TRPM7: variants seen among roughly 807,000 people sequenced by gnomAD.
The protein encoded by TRPM7 is LTRPC ion channel family member 7.
A neutral mutation model predicts 229.7 loss-of-function variants in TRPM7; 134 were observed. The observed-to-expected ratio is 0.58, with a 90% CI of 0.51 to 0.67. The LOEUF (loss-of-function observed/expected upper bound fraction) is 0.67, where lower values mean the gene tolerates loss of function less well. TRPM7 is among the 30% of genes least tolerant of loss of function. TRPM7 has a pLI of 0.00. For synonymous variants in TRPM7, 699 were observed against 715.2 expected (o/e 0.98, Z 0.36); for missense variants, 1,901 against 2,210.0 (o/e 0.86, Z 2.80).
intron 11 of TRPM7, among the ~76,000 whole-genome samples, chr15:50,627,643 C>T (rs1403772186): frequency 2.0e-5 from 3 of 151,734 alleles, no homozygotes; most frequent in East Asian, 1.9e-4. Context: ...AGTATGCTAC[C>T]GAAATAACAC....
rs2053332903 is a variant in TRPM7 at position 50,561,933 on chromosome 15, T to C, written c.5468-125A>G. The C allele has an allele frequency of 4.0e-6, 4 of 1,007,056 alleles. No individual in the cohort carries two copies. The South Asian group carries it at 7.8e-5, about 20-fold the overall frequency. 62.4% of individuals were successfully genotyped at this position (1,007,056 alleles called of 1,614,324 possible). ...TTTCAAGACGGAGTTTCGCTCTTGTTGCCCAAGCTGGAGTGCAATGGCGCG... is the reference window on the plus strand; with the variant it reads ...TTTCAAGACGGAGTTTCGCTCTTGTCGCCCAAGCTGGAGTGCAATGGCGCG... On this transcript the variant is annotated intron_variant, in intron 38 of 38. Coordinates refer to ENST00000646667, the MANE Select transcript of TRPM7 (RefSeq NM_017672.6).
At chr15:50,573,415 T>G (rs1051001265) in intron 36 of TRPM7, among the ~76,000 whole-genome samples, 1 of 152,216 alleles carries the variant, frequency 6.6e-6, no homozygotes, top group Non-Finnish European at 1.5e-5. Context: ...AGGAATTTAG[T>G]TGACAGTGAA....
intron 26 of TRPM7, among the ~76,000 whole-genome samples, chr15:50,590,858 C>T (rs1423557511): frequency 6.7e-6 from 1 of 150,168 alleles, no homozygotes; most frequent in African/African-American, 2.4e-5. Flanking sequence ...ATATATTTAA[C>T]GTAGGAAAAG....
intron 25 of TRPM7, among the ~76,000 whole-genome samples, chr15:50,593,087 G>A (rs773373022): frequency 7.2e-5 from 11 of 151,988 alleles, no homozygotes; most frequent in Admixed American, 5.2e-4. Flanking sequence ...TCAGGAGTTC[G>A]AGACCAGCTT....
intron 36 of TRPM7, among the ~76,000 whole-genome samples, chr15:50,572,633 G>A (rs930337183): frequency 6.6e-5 from 10 of 152,136 alleles, no homozygotes; most frequent in African/African-American, 2.4e-4. Context: ...TCTAATGTAT[G>A]CTTGTAATTT....
At position 50,628,164 on chromosome 15, in the gene TRPM7, A is replaced by G; in HGVS notation, c.1290T>C (p.Tyr430=). ...ATTTACATACCAGCCACTGCTGTCC[A>G]TAAACAAATACATGATTTTTGGCAA... ...VDIAKNHVFV[Y]GQQWLVGSLE... is the part of the protein sequence containing the mutation. The change falls in exon 11 of 39, where the codon TAT becomes TAC. Residue 430 remains tyrosine, a synonymous_variant. Coordinates refer to ENST00000646667, the MANE Select transcript of TRPM7 (RefSeq NM_017672.6). 3.1e-6 allele frequency: 5 copies of G among 1,612,076 alleles called. No homozygotes were observed. Among genetic ancestry groups the G allele is most frequent in the South Asian group, 2.2e-5 (2 of 90,974 alleles).
At chr15:50,606,156 G>T (rs1292438668) in intron 20 of TRPM7, among the ~76,000 whole-genome samples, 1 of 152,120 alleles carries the variant, frequency 6.6e-6, no homozygotes, top group Non-Finnish European at 1.5e-5. Flanking sequence ...AAAGGCGGGC[G>T]GATCATGAGG....
intron 3 of TRPM7, among the ~76,000 whole-genome samples, chr15:50,655,758 G>A (rs2061549027): frequency 6.6e-6 from 1 of 152,162 alleles, no homozygotes; most frequent in Non-Finnish European, 1.5e-5. Context: ...AGCACTTTGG[G>A]AGGCCAAGGC....
rs766141289 is a variant in TRPM7 at position 50,591,993 on chromosome 15, G to A, written c.4242C>T (p.His1414=). Residue 1414 remains histidine (H), a synonymous_variant, in exon 26 of 39, where the codon CAC becomes CAT. Coordinates refer to ENST00000646667, the MANE Select transcript of TRPM7 (RefSeq NM_017672.6). ...STPSQPSCKS[H]LETGTKDQET... ...CTTGATCTTTGGTTCCAGTTTCCAA[G>A]TGGCTTTTGCAACTTGGCTGAGATG... The A allele has an allele frequency of 6.2e-7, 1 of 1,611,644 alleles. No individual in the cohort carries two copies.
chr15:50,672,898 CAAAAAAAAAAAAA>C (rs35153596), intron 1 of TRPM7, among the ~76,000 whole-genome samples: 10 of 26,220 alleles, frequency 3.8e-4, no homozygotes, highest in African/African-American at 1.2e-3. Context: ...GACTCTGTCT[CAAAAAAAAAAAAA>C]AAAAAAAAAA....
intron 38 of TRPM7, among the ~76,000 whole-genome samples, chr15:50,565,439 C>T (rs1223491944): frequency 6.6e-6 from 1 of 151,822 alleles, no homozygotes; most frequent in African/African-American, 2.4e-5. Flanking sequence ...CAAAAGATAG[C>T]TGGAGTGGTT....
At chr15:50,641,642 A>G (rs908071738) in intron 5 of TRPM7, among the ~76,000 whole-genome samples, 1 of 152,150 alleles carries the variant, frequency 6.6e-6, no homozygotes, top group Non-Finnish European at 1.5e-5. Context: ...GAAGGTAGAT[A>G]TTTTTACTGT....
chr15:50,639,172 A>G (rs1309617195), intron 6 of TRPM7, among the ~76,000 whole-genome samples: 2 of 152,230 alleles, frequency 1.3e-5, no homozygotes, highest in Admixed American at 1.3e-4. Context: ...ATAATTTTAC[A>G]CATAAAAGAC....
At chr15:50,656,899 T>C (rs2061588240) in intron 3 of TRPM7, among the ~76,000 whole-genome samples, 1 of 152,236 alleles carries the variant, frequency 6.6e-6, no homozygotes, top group East Asian at 1.9e-4. Context: ...GCCCTTCAAA[T>C]ATGCCTACTT....
chr15:50,671,571 G>A (rs1362497846), intron 1 of TRPM7, among the ~76,000 whole-genome samples: 1 of 152,080 alleles, frequency 6.6e-6, no homozygotes, highest in Non-Finnish European at 1.5e-5. Flanking sequence ...TGCCGTGGGA[G>A]GAGGAGATGA....
chr15:50,637,734 T>C (rs1318311160), intron 6 of TRPM7, 141 bp from the exon 7 acceptor site: 5 of 798,508 alleles, frequency 6.3e-6, no homozygotes, highest in Non-Finnish European at 9.5e-6. Context: ...TGACAAAGAA[T>C]GTTTCAAAAA....
In TRPM7 at chr15:50,559,108, A is replaced by T. The variant is rs1421021323; in HGVS notation, c.*2570T>A. 2 of 151,770 alleles carry T rather than the reference A, an allele frequency of 1.3e-5. No homozygotes were observed. The highest frequency in any genetic ancestry group is 2.9e-5 in the Non-Finnish European group (2 of 68,194). 9.4% of individuals were successfully genotyped at this position (151,770 alleles called of 1,614,324 possible). ...GCACTGTTGCCCAGGCTGGAGCGCAATGGCACGATCTCAGCTCACTGCAAC... is the reference window on the plus strand; with the variant it reads ...GCACTGTTGCCCAGGCTGGAGCGCATTGGCACGATCTCAGCTCACTGCAAC... On this transcript the variant is annotated 3_prime_UTR_variant, in exon 39 of 39. Transcript: ENST00000646667.
intron 1 of TRPM7, among the ~76,000 whole-genome samples, chr15:50,671,994 T>C (rs1027882921): frequency 6.6e-6 from 1 of 152,230 alleles, no homozygotes; most frequent in African/African-American, 2.4e-5. Flanking sequence ...TACTGATTTA[T>C]GTATTTACTA....
rs879742406 is a variant in TRPM7 at position 50,565,000 on chromosome 15, CT to C, written c.5468-3193del. ...AAAATGAAGGATCTGGGCCAGATTG[CT>C]TTTTTTTTTTGAGATGGAGTCTCAC... On this transcript the variant is annotated intron_variant, in intron 38 of 38. Coordinates refer to ENST00000646667, the MANE Select transcript of TRPM7 (RefSeq NM_017672.6). Among the ~76,000 whole-genome samples, 145 of 144,786 alleles carry C rather than the reference CT, an allele frequency of 1.0e-3. 1 individual carries two copies. In the East Asian group the frequency reaches 0.012, roughly 11 times the overall value. The allele number at this position is 144,786 out of a possible 152,430, so 95.0% of individuals were successfully genotyped here.
Sources: gnomAD v4.1 joint callset for allele counts (sites outside exome capture counted in the v4.1 genomes callset) on GRCh38, gnomAD v4.1.1 for gene constraint, MANE v1.5 for transcripts, NCBI Gene and HGNC (gene_info 2026-07-23, HGNC 2026-07-21) for gene names.